Variants in PLXNC1 observed in about 807,000 individuals in gnomAD.
The protein encoded by PLXNC1 is plexin-C1.
PLXNC1 carries 75 observed loss-of-function variants against 178.2 expected under a neutral mutation model. That is an observed-to-expected ratio of 0.42 (90% CI 0.35 to 0.51). PLXNC1 has a LOEUF of 0.51. Among genes scored for constraint, PLXNC1 ranks in the 20% least tolerant of loss-of-function variants. PLXNC1 has a pLI of 0.02. For missense variants in PLXNC1, 1,503 were observed against 1,984.4 expected (o/e 0.76, Z 4.61); for synonymous variants, 790 against 779.9 (o/e 1.01, Z -0.22).
At position 94,204,656 on chromosome 12, in the gene PLXNC1, C is replaced by A. The variant is rs1376116169; in HGVS notation, c.1440-4934C>A. ...TCCATTCAGTAGACTTTGGTTTCCT[C>A]ATCTCATGGACTGGCAATTGTAAAG... On this transcript the variant is annotated intron_variant, in intron 4 of 30. Coordinates refer to ENST00000258526, the MANE Select transcript of PLXNC1 (RefSeq NM_005761.3). 2.6e-5 allele frequency among the ~76,000 whole-genome samples: 4 copies of A among 152,226 alleles called. No homozygotes were observed. In the East Asian group the frequency reaches 5.8e-4, roughly 22 times the overall value.
chr12:94,288,910 A>C (rs1386487108), intron 23 of PLXNC1, among the ~76,000 whole-genome samples: 2 of 152,234 alleles, frequency 1.3e-5, no homozygotes, highest in East Asian at 1.9e-4. Context: ...TTTGATTCTC[A>C]TGTTTTCAGA....
chr12:94,159,101 CTATTATG>C lies in PLXNC1; in HGVS notation c.1062+9070_1062+9076del, dbSNP rs1425329492. On this transcript the variant is annotated intron_variant, in intron 1 of 30. Coordinates refer to ENST00000258526, the MANE Select transcript of PLXNC1 (RefSeq NM_005761.3). ...TTTGTTCGAATACTTTCTTGAGCTCCTATTATGTGCCAAGCAATGTGTGGAGACATTT... is the reference window on the plus strand; with the variant it reads ...TTTGTTCGAATACTTTCTTGAGCTCCTGCCAAGCAATGTGTGGAGACATTT... Among the ~76,000 whole-genome samples, 7 of 152,174 alleles carry C rather than the reference CTATTATG, an allele frequency of 4.6e-5. No individual in the cohort carries two copies. The East Asian group carries it at 1.3e-3, about 29-fold the overall frequency.
At chr12:94,197,489 C>T (rs1962962305) in intron 4 of PLXNC1, among the ~76,000 whole-genome samples, 1 of 151,354 alleles carries the variant, frequency 6.6e-6, no homozygotes, top group Non-Finnish European at 1.5e-5. Context: ...CTTTCTTGCC[C>T]TTCCACCATG....
chr12:94,211,824 C>CA (rs1963476872), intron 5 of PLXNC1, among the ~76,000 whole-genome samples: 1 of 152,080 alleles, frequency 6.6e-6, no homozygotes, highest in Non-Finnish European at 1.5e-5. Context: ...TTATATTGAT[C>CA]AAAAAATGCC....
intron 1 of PLXNC1, chr12:94,168,263 T>G (rs1180417471): frequency 6.6e-6 from 1 of 152,242 alleles, no homozygotes; most frequent in East Asian, 1.9e-4. Flanking sequence ...CGGCAACGGC[T>G]CTTCCTAGCT....
chr12:94,254,592 G>T, intron 15 of PLXNC1, 195 bp from the exon 16 acceptor site: 1 of 692,878 alleles, frequency 1.4e-6, no homozygotes, highest in Non-Finnish European at 2.6e-6. Context: ...TCTTCAGAGT[G>T]ACCCCTCACT....
chr12:94,193,186 A>G (rs1262123054), intron 4 of PLXNC1, among the ~76,000 whole-genome samples: 1 of 152,132 alleles, frequency 6.6e-6, no homozygotes, highest in African/African-American at 2.4e-5. Flanking sequence ...ATTTTGTTGG[A>G]AGGACCTTGG....
At chr12:94,263,807 T>C (rs4761599) in intron 20 of PLXNC1, among the ~76,000 whole-genome samples, 91,228 of 151,980 alleles carry the variant, frequency 0.6, 27,840 homozygotes, top group African/African-American at 0.71. Context: ...ACAGCAGGGA[T>C]AGAAGCTGCA....
intron 7 of PLXNC1, chr12:94,226,396 A>G (rs1056177239): frequency 2.0e-5 from 10 of 497,020 alleles, no homozygotes; most frequent in Non-Finnish European, 3.6e-5. Flanking sequence ...TCAGGTTTCC[A>G]TGGCAACACC....
intron 1 of PLXNC1, among the ~76,000 whole-genome samples, chr12:94,166,774 T>G (rs1186476047): frequency 1.4e-5 from 2 of 145,706 alleles, no homozygotes; most frequent in East Asian, 3.9e-4. Flanking sequence ...CCATGCTACT[T>G]TTTTTTTTTT....
intron 1 of PLXNC1, among the ~76,000 whole-genome samples, chr12:94,152,384 A>G (rs1166455478): frequency 1.3e-5 from 2 of 152,248 alleles, no homozygotes; most frequent in African/African-American, 2.4e-5. Context: ...AGTGTAAGCA[A>G]TGCTCTGTGC....
At chr12:94,287,745 T>A (rs118048254) in intron 23 of PLXNC1, among the ~76,000 whole-genome samples, 3,593 of 152,306 alleles carry the variant, frequency 0.024, 53 homozygotes, top group East Asian at 0.071. Flanking sequence ...GTCAAGTCCA[T>A]CATCTGTGAC....
chr12:94,166,786 A>G (rs1565789136), intron 1 of PLXNC1, among the ~76,000 whole-genome samples: 6 of 150,534 alleles, frequency 4.0e-5, no homozygotes, highest in Admixed American at 4.0e-4. Context: ...TTTTTTTTTA[A>G]GGTAAGGTCT....
At chr12:94,208,762 GTTC>G in intron 4 of PLXNC1, among the ~76,000 whole-genome samples, 1 of 152,340 alleles carries the variant, frequency 6.6e-6, no homozygotes, top group African/African-American at 2.4e-5. Context: ...GTTGGTATTT[GTTC>G]TTCTTGCCAG....
At chr12:94,198,085 A>G (rs1962984122) in intron 4 of PLXNC1, among the ~76,000 whole-genome samples, 1 of 152,228 alleles carries the variant, frequency 6.6e-6, no homozygotes, top group African/African-American at 2.4e-5. Flanking sequence ...ACGTATGTTC[A>G]TTGCAGCACT....
intron 30 of PLXNC1, among the ~76,000 whole-genome samples, chr12:94,304,732 C>T (rs1355456059): frequency 6.6e-6 from 1 of 152,118 alleles, no homozygotes; most frequent in Non-Finnish European, 1.5e-5. Context: ...AAGCATCCCT[C>T]GTTCCAGGGG....
chr12:94,260,534 A>G lies in PLXNC1; in HGVS notation c.3252-108A>G. 1.5e-6 allele frequency: 1 copy of G among 658,220 alleles called. No individual in the cohort carries two copies. Among genetic ancestry groups the G allele is most frequent in the East Asian group, 3.0e-5 (1 of 33,536 alleles). The allele number at this position is 658,220 out of a possible 1,614,324, so 40.8% of individuals were successfully genotyped here. Reference sequence around the variant, plus strand: ...TAAAAAAAAAAAAAAAAAAGCTCCCAACCCAACAGGCCAGCTCCCTGCCCT... The same window carrying G: ...TAAAAAAAAAAAAAAAAAAGCTCCCGACCCAACAGGCCAGCTCCCTGCCCT... On this transcript the variant is annotated intron_variant, in intron 19 of 30. Transcript: ENST00000258526. The surrounding 1 kb of genome is among the most constrained non-coding windows in gnomAD (Gnocchi z 4.4).
intron 30 of PLXNC1, 83 bp from the exon 31 acceptor site, chr12:94,305,098 C>A: frequency 1.3e-6 from 1 of 766,458 alleles, no homozygotes; most frequent in Non-Finnish European, 2.2e-6. Context: ...CAGATTTTAC[C>A]ACTCACAGCA....
At chr12:94,303,615 A>C in intron 28 of PLXNC1, 141 bp from the exon 29 acceptor site, 3 of 640,488 alleles carry the variant, frequency 4.7e-6, no homozygotes, top group South Asian at 2.6e-5. Context: ...GGCCTACTGC[A>C]TGAAGCCTTG....
Sources: gnomAD v4.1 joint callset for allele counts (sites outside exome capture counted in the v4.1 genomes callset) on GRCh38, gnomAD v4.1.1 for gene constraint, Gnocchi (gnomAD v3.1) non-coding constraint, MANE v1.5 for transcripts, NCBI Gene and HGNC (gene_info 2026-07-23, HGNC 2026-07-21) for gene names.